Variants in LHFPL2 observed in about 807,000 individuals in gnomAD.
The protein encoded by LHFPL2 is LHFPL tetraspan subfamily member 2, also known as LHFPL tetraspan subfamily member 2 protein.
Under a neutral mutation model 17.5 loss-of-function variants are expected in LHFPL2, and 7 were observed. That is an observed-to-expected ratio of 0.40 (90% CI 0.23 to 0.75). The LOEUF (loss-of-function observed/expected upper bound fraction) is 0.75, where lower values mean the gene tolerates loss of function less well. Ranked by LOEUF, LHFPL2 falls within the 30% of genes least tolerant of loss-of-function variation. The probability of loss-of-function intolerance (pLI) is 0.37; values close to 1 mark genes in which losing one functional copy is unlikely to be tolerated. For missense variants in LHFPL2, 241 were observed against 294.8 expected, an observed-to-expected ratio of 0.82 and a Z score of 1.34; for synonymous variants, 134 against 116.2, an observed-to-expected ratio of 1.15 and a Z score of -0.99.
chr5:78,552,362 T>C lies in LHFPL2; in HGVS notation c.-186+12451A>G, dbSNP rs1486165558. Reference sequence around the variant, plus strand: ...GTTAACCAGGATGGCCTCGATCTCCTGACCTCGTGATCCACCTGCCTCGGC... The same window carrying C: ...GTTAACCAGGATGGCCTCGATCTCCCGACCTCGTGATCCACCTGCCTCGGC... On this transcript the variant is annotated intron_variant, in intron 3 of 4. Transcript: ENST00000380345. Among the ~76,000 whole-genome samples, 4 of 152,322 alleles carry C rather than the reference T, an allele frequency of 2.6e-5. No homozygotes were observed. The East Asian group carries it at 5.8e-4, about 22-fold the overall frequency.
chr5:78,612,449 T>TA (rs1744453113), intron 2 of LHFPL2, among the ~76,000 whole-genome samples: 1 of 152,228 alleles, frequency 6.6e-6, no homozygotes, highest in African/African-American at 2.4e-5. Flanking sequence ...CCTAGGCACT[T>TA]AAAGTGCTTT....
intron 2 of LHFPL2, among the ~76,000 whole-genome samples, chr5:78,576,568 G>A (rs903194764): frequency 2.0e-5 from 3 of 152,130 alleles, no homozygotes; most frequent in East Asian, 1.9e-4. Flanking sequence ...TGCTGTAGGC[G>A]TCTGAACTGG....
chr5:78,577,543 C>T (rs1017797178), intron 2 of LHFPL2, among the ~76,000 whole-genome samples: 1 of 152,132 alleles, frequency 6.6e-6, no homozygotes. Context: ...CAAAAGTGAA[C>T]GACCAAGAAC....
At chr5:78,504,231 T>C (rs1754864564) in intron 4 of LHFPL2, among the ~76,000 whole-genome samples, 1 of 152,174 alleles carries the variant, frequency 6.6e-6, no homozygotes, top group Admixed American at 6.5e-5. Context: ...GGAAGGGCTG[T>C]TCCCTCTACT....
At chr5:78,552,658 T>C (rs965556458) in intron 3 of LHFPL2, among the ~76,000 whole-genome samples, 12 of 152,226 alleles carry the variant, frequency 7.9e-5, no homozygotes, top group Admixed American at 2.0e-4. Flanking sequence ...AGAGAACTAC[T>C]GCAGGGGGGA....
intron 4 of LHFPL2, 72 bp from the exon 5 acceptor site, chr5:78,489,225 T>A: frequency 6.4e-7 from 1 of 1,561,352 alleles, no homozygotes; most frequent in Non-Finnish European, 8.7e-7. Flanking sequence ...GTTGTAATTG[T>A]TACTTGATTT....
At chr5:78,514,709 T>C (rs1755239667) in intron 3 of LHFPL2, among the ~76,000 whole-genome samples, 1 of 152,158 alleles carries the variant, frequency 6.6e-6, no homozygotes, top group Non-Finnish European at 1.5e-5. Context: ...AGGATGTCAA[T>C]CAAGGTTGCA....
At chr5:78,569,464 C>T (rs1475840681) in intron 2 of LHFPL2, among the ~76,000 whole-genome samples, 1 of 152,186 alleles carries the variant, frequency 6.6e-6, no homozygotes, top group East Asian at 1.9e-4. Context: ...ATCGTTGCTC[C>T]AGAACTAGGC....
rs1473212913 is a variant in LHFPL2 at position 78,506,403 on chromosome 5, GC to G, written c.430+3380del. Reference sequence around the variant, plus strand: ...GAATCCTTTTGTTGCTCTGGCAACAGCCTCCTTTCTCACCATTTGTTTCAGT... The same window carrying G: ...GAATCCTTTTGTTGCTCTGGCAACAGCTCCTTTCTCACCATTTGTTTCAGT... On this transcript the variant is annotated intron_variant, in intron 4 of 4. Coordinates refer to ENST00000380345, the MANE Select transcript of LHFPL2 (RefSeq NM_005779.3). Among the ~76,000 whole-genome samples, 9 of 152,358 alleles carry G rather than the reference GC, an allele frequency of 5.9e-5. No homozygotes were observed. In the East Asian group the frequency reaches 1.7e-3, roughly 29 times the overall value.
intron 2 of LHFPL2, among the ~76,000 whole-genome samples, chr5:78,593,327 G>C (rs184797317): frequency 1.4e-4 from 21 of 152,222 alleles, no homozygotes; most frequent in African/African-American, 4.6e-4. Flanking sequence ...GAAAAGAAGA[G>C]CTAAAGTCAA....
chr5:78,627,424 G>C lies in LHFPL2; in HGVS notation c.-245+4840C>G, dbSNP rs551999034. ...CACAGAAAGAAACCAAGCTGCTTTT[G>C]GGGAATGGTGCCAGCTGGTGGCTAG... is the stretch of plus-strand genomic sequence containing the variant. On this transcript the variant is annotated intron_variant, in intron 2 of 4. Transcript: ENST00000380345. Among the ~76,000 whole-genome samples the C allele has an allele frequency of 1.9e-4, 29 of 152,240 alleles. No individual in the cohort carries two copies. The South Asian group carries it at 5.8e-3, about 30-fold the overall frequency.
intron 3 of LHFPL2, among the ~76,000 whole-genome samples, chr5:78,524,655 T>G (rs1364742199): frequency 6.7e-6 from 1 of 149,474 alleles, no homozygotes; most frequent in Non-Finnish European, 1.5e-5. Flanking sequence ...GGCACAAGAA[T>G]CGCTTGAACC....
At chr5:78,562,047 G>C (rs1756742953) in intron 3 of LHFPL2, among the ~76,000 whole-genome samples, 1 of 152,198 alleles carries the variant, frequency 6.6e-6, no homozygotes, top group South Asian at 2.1e-4. Flanking sequence ...AAGAGGCACA[G>C]AAAGAGCCTG....
intron 3 of LHFPL2, among the ~76,000 whole-genome samples, chr5:78,546,037 G>T (rs1254676547): frequency 1.3e-5 from 2 of 152,140 alleles, no homozygotes; most frequent in Non-Finnish European, 2.9e-5. Flanking sequence ...CCTTGGTCAT[G>T]TTACTTACTG....
intron 3 of LHFPL2, among the ~76,000 whole-genome samples, chr5:78,511,527 C>T (rs1461164430): frequency 6.6e-6 from 1 of 152,218 alleles, no homozygotes; most frequent in Non-Finnish European, 1.5e-5. Context: ...TGGCCCTGCT[C>T]TGAATGATTA....
chr5:78,559,941 G>A (rs1395544930), intron 3 of LHFPL2, among the ~76,000 whole-genome samples: 2 of 152,210 alleles, frequency 1.3e-5, no homozygotes, highest in East Asian at 3.8e-4. Context: ...CCTAGACAGA[G>A]CTTTTAACTG....
chr5:78,578,585 G>GCACACACACACACACACA (rs61127481), intron 2 of LHFPL2, among the ~76,000 whole-genome samples: 7 of 146,892 alleles, frequency 4.8e-5, no homozygotes, highest in African/African-American at 1.3e-4. Flanking sequence ...TTGCATATGT[G>GCACACACACACACACACA]CACACACACA....
At chr5:78,513,224 A>G (rs544268103) in intron 3 of LHFPL2, among the ~76,000 whole-genome samples, 4 of 152,234 alleles carry the variant, frequency 2.6e-5, no homozygotes, top group South Asian at 2.1e-4. Context: ...TTCTGAAGAA[A>G]AAGGCTGTAA....
At chr5:78,497,518 T>C (rs899931987) in intron 4 of LHFPL2, among the ~76,000 whole-genome samples, 1 of 152,234 alleles carries the variant, frequency 6.6e-6, no homozygotes, top group African/African-American at 2.4e-5. Flanking sequence ...TTTATGCAGT[T>C]TGTTCTTTGT....
Sources: allele counts gnomAD v4.1 joint callset (sites outside exome capture counted in the v4.1 genomes callset), GRCh38; gene constraint gnomAD v4.1.1; transcripts MANE v1.5; gene names NCBI Gene and HGNC (gene_info 2026-07-23, HGNC 2026-07-21).